The following ADGRL3 variants were observed in gnomAD, a reference collection of about 807,000 sequenced individuals.
ADGRL3 encodes adhesion G protein-coupled receptor L3.
In ADGRL3, 62 loss-of-function variants were observed where a neutral mutation model predicts 153.5. The ratio of observed to expected loss-of-function variants is 0.40; its 90% CI spans 0.33 to 0.50. The LOEUF (loss-of-function observed/expected upper bound fraction) is 0.50. Among genes scored for constraint, ADGRL3 ranks in the 20% least tolerant of loss-of-function variants. The probability of loss-of-function intolerance (pLI) is 0.47; values close to 1 mark genes in which losing one functional copy is unlikely to be tolerated. For missense variants in ADGRL3, 1,641 were observed against 1,859.4 expected, an observed-to-expected ratio of 0.88 and a Z score of 2.16; for synonymous variants, 710 against 672.5, an observed-to-expected ratio of 1.06 and a Z score of -0.86.
Position 61,613,818 on chromosome 4 carries a change from T to G in ADGRL3, c.473+26378T>G, listed in dbSNP as rs570465675. Among the ~76,000 whole-genome samples, 38 of 152,276 alleles carry G rather than the reference T, an allele frequency of 2.5e-4. No individual in the cohort carries two copies. In the South Asian group the frequency reaches 7.5e-3, roughly 30 times the overall value. On this transcript the variant is annotated intron_variant, in intron 5 of 26. Coordinates refer to ENST00000683033, the MANE Select transcript of ADGRL3 (RefSeq NM_001387552.1). ...ATGATGTTAAACAAAATATGTAAACTGAGATGCAAATGGGGGGAATATATC... is the reference window on the plus strand; with the variant it reads ...ATGATGTTAAACAAAATATGTAAACGGAGATGCAAATGGGGGGAATATATC...
At chr4:61,261,494 T>C (rs1158638078) in intron 1 of ADGRL3, among the ~76,000 whole-genome samples, 3 of 152,196 alleles carry the variant, frequency 2.0e-5, no homozygotes, top group Admixed American at 6.5e-5. Flanking sequence ...TTTGATGCAC[T>C]GTTGGTTGAA....
At chr4:61,517,858 A>G (rs1303897445) in intron 4 of ADGRL3, among the ~76,000 whole-genome samples, 4 of 152,188 alleles carry the variant, frequency 2.6e-5, no homozygotes, top group Admixed American at 2.6e-4. Flanking sequence ...ATAAGTTTTA[A>G]CATGTCTGAT....
intron 19 of ADGRL3, among the ~76,000 whole-genome samples, chr4:61,992,467 T>A (rs1006939581): frequency 6.6e-6 from 1 of 152,092 alleles, no homozygotes; most frequent in Non-Finnish European, 1.5e-5. Context: ...TTAAGGTAGT[T>A]AATAGGAAGA....
chr4:61,412,110 T>TTTG (rs1320251249), intron 2 of ADGRL3, among the ~76,000 whole-genome samples: 4 of 96,396 alleles, frequency 4.1e-5, no homozygotes, highest in African/African-American at 1.3e-4. Context: ...TTGTTTGTTT[T>TTTG]TTGGAGACTC....
At chr4:61,290,148 A>G (rs2150132886) in intron 1 of ADGRL3, among the ~76,000 whole-genome samples, 1 of 152,202 alleles carries the variant, frequency 6.6e-6, no homozygotes, top group Admixed American at 6.6e-5. Flanking sequence ...AACATATACT[A>G]GGCTCCATAA....
intron 1 of ADGRL3, among the ~76,000 whole-genome samples, chr4:61,223,111 T>G: frequency 6.6e-6 from 1 of 152,182 alleles, no homozygotes; most frequent in East Asian, 1.9e-4. Context: ...GTCAGATTTT[T>G]TTTTGAAAGT....
At chr4:61,949,973 A>C (rs2098940945) in intron 17 of ADGRL3, among the ~76,000 whole-genome samples, 1 of 152,210 alleles carries the variant, frequency 6.6e-6, no homozygotes, top group African/African-American at 2.4e-5. Flanking sequence ...TGTGGAAAGA[A>C]AATGACTACT....
intron 4 of ADGRL3, among the ~76,000 whole-genome samples, chr4:61,564,256 T>G (rs2098807672): frequency 6.6e-6 from 1 of 152,058 alleles, no homozygotes; most frequent in South Asian, 2.1e-4. Flanking sequence ...TTTGTTTTTT[T>G]GTTTGTTTTT....
chr4:62,068,978 A>G (rs1744458411), intron 26 of ADGRL3, among the ~76,000 whole-genome samples: 1 of 152,166 alleles, frequency 6.6e-6, no homozygotes, highest in Non-Finnish European at 1.5e-5. Context: ...GCAATATATT[A>G]AGAAGTTTAA....
intron 6 of ADGRL3, among the ~76,000 whole-genome samples, chr4:61,696,080 C>T (rs1473500450): frequency 6.6e-6 from 1 of 152,150 alleles, no homozygotes; most frequent in Non-Finnish European, 1.5e-5. Context: ...TTTATTTCAG[C>T]AATAAGGCTG....
At chr4:62,022,182 T>A (rs2151392280) in intron 21 of ADGRL3, among the ~76,000 whole-genome samples, 1 of 152,328 alleles carries the variant, frequency 6.6e-6, no homozygotes, top group East Asian at 1.9e-4. Context: ...AAAGTTTTAG[T>A]GGTCTTGTTA....
intron 5 of ADGRL3, among the ~76,000 whole-genome samples, chr4:61,593,405 G>A (rs761957110): frequency 6.6e-6 from 1 of 151,520 alleles, no homozygotes; most frequent in Non-Finnish European, 1.5e-5. Flanking sequence ...TTTCCTTCAG[G>A]TGATTTCTTA....
chr4:61,215,798 C>T (rs369447656), intron 1 of ADGRL3, among the ~76,000 whole-genome samples: 1 of 151,598 alleles, frequency 6.6e-6, no homozygotes, highest in Admixed American at 6.6e-5. Context: ...GTGATCCATC[C>T]GCCTCGGCCT....
intron 8 of ADGRL3, among the ~76,000 whole-genome samples, chr4:61,772,769 T>A (rs947566235): frequency 6.6e-5 from 10 of 152,204 alleles, no homozygotes; most frequent in South Asian, 6.2e-4. Flanking sequence ...CAGGAGAAAA[T>A]CAGAGATACC....
chr4:61,712,487 CCATTCAGTT>C (rs1345683683), intron 6 of ADGRL3, among the ~76,000 whole-genome samples: 1 of 152,080 alleles, frequency 6.6e-6, no homozygotes, highest in Admixed American at 6.6e-5. Flanking sequence ...TATCCTTAGA[CCATTCAGTT>C]CATTTAGCCT....
intron 4 of ADGRL3, among the ~76,000 whole-genome samples, chr4:61,533,369 T>TGTATGA (rs1188258092): frequency 6.6e-6 from 1 of 152,162 alleles, no homozygotes; most frequent in African/African-American, 2.4e-5. Context: ...CTGGGCTGTG[T>TGTATGA]GTATGAGTCC....
At chr4:61,236,467 T>C (rs958365326) in intron 1 of ADGRL3, among the ~76,000 whole-genome samples, 1 of 152,178 alleles carries the variant, frequency 6.6e-6, no homozygotes, top group Admixed American at 6.5e-5. Context: ...AAAACTCTTT[T>C]TGTTTATTTT....
At chr4:61,240,658 A>G (rs1214052514) in intron 1 of ADGRL3, among the ~76,000 whole-genome samples, 1 of 152,084 alleles carries the variant, frequency 6.6e-6, no homozygotes, top group Non-Finnish European at 1.5e-5. Flanking sequence ...AGAAAGTTCA[A>G]TGGGTATGTA....
intron 8 of ADGRL3, among the ~76,000 whole-genome samples, chr4:61,778,414 G>A (rs1312585330): frequency 6.6e-6 from 1 of 152,130 alleles, no homozygotes; most frequent in African/African-American, 2.4e-5. Flanking sequence ...AAGGACAAAC[G>A]TGGAAAAACA....
Sources: allele counts gnomAD v4.1 joint callset (sites outside exome capture counted in the v4.1 genomes callset), GRCh38; gene constraint gnomAD v4.1.1; transcripts MANE v1.5; gene names NCBI Gene and HGNC (gene_info 2026-07-23, HGNC 2026-07-21).